Variants in PDE10A observed in about 807,000 individuals in gnomAD.
PDE10A encodes cAMP and cAMP-inhibited cGMP 3',5'-cyclic phosphodiesterase 10A.
A neutral mutation model predicts 97.7 loss-of-function variants in PDE10A; 39 were observed. The observed-to-expected ratio is 0.40, with a 90% CI of 0.31 to 0.52. The LOEUF (loss-of-function observed/expected upper bound fraction) is 0.52. PDE10A is among the 20% of genes least tolerant of loss of function. PDE10A has a pLI of 0.56. For synonymous variants in PDE10A, 371 were observed against 376.8 expected (o/e 0.98, Z 0.18); for missense variants, 731 against 1,047.8 (o/e 0.70, Z 4.17).
intron 1 of PDE10A, among the ~76,000 whole-genome samples, chr6:165,897,420 G>T (rs1781983843): frequency 6.6e-6 from 1 of 152,070 alleles, no homozygotes; most frequent in South Asian, 2.1e-4. Context: ...CCAGTATTTG[G>T]GGGTGGGGGA....
chr6:165,871,553 A>AT (rs1781204828), intron 1 of PDE10A, among the ~76,000 whole-genome samples: 1 of 152,176 alleles, frequency 6.6e-6, no homozygotes, highest in Admixed American at 6.5e-5. Context: ...AGCAGGAGAC[A>AT]TTTTGAGGGA....
chr6:165,951,798 G>A (rs1328793021), intron 1 of PDE10A, among the ~76,000 whole-genome samples: 1 of 152,170 alleles, frequency 6.6e-6, no homozygotes, highest in Non-Finnish European at 1.5e-5. Context: ...TGCAAGTGGT[G>A]ACCTGGCTCT....
intron 2 of PDE10A, among the ~76,000 whole-genome samples, chr6:165,517,705 A>G (rs1379375365): frequency 6.6e-6 from 1 of 152,176 alleles, no homozygotes; most frequent in Non-Finnish European, 1.5e-5. Context: ...CACAGAAGTC[A>G]TTGCCAAGGA....
intron 5 of PDE10A, 77 bp downstream of exon 5, chr6:165,448,849 TCG>T: frequency 2.4e-6 from 2 of 844,104 alleles, no homozygotes; most frequent in Non-Finnish European, 3.9e-6. Flanking sequence ...TCATGAAATG[TCG>T]GTTGTTTATA....
intron 1 of PDE10A, among the ~76,000 whole-genome samples, chr6:165,742,338 G>C (rs1021432112): frequency 1.3e-5 from 2 of 152,138 alleles, no homozygotes; most frequent in African/African-American, 2.4e-5. Flanking sequence ...CTTTGCATAT[G>C]TCATGTTTCT....
chr6:165,758,691 A>AG (rs1793182551), intron 1 of PDE10A, among the ~76,000 whole-genome samples: 1 of 147,962 alleles, frequency 6.8e-6, no homozygotes, highest in Non-Finnish European at 1.5e-5. Context: ...AAGAAGGAGA[A>AG]GGAAGGAGAA....
intron 1 of PDE10A, among the ~76,000 whole-genome samples, chr6:165,669,890 C>A (rs976629763): frequency 5.9e-5 from 9 of 152,196 alleles, no homozygotes; most frequent in African/African-American, 2.2e-4. Flanking sequence ...AGGCAAAATT[C>A]AAATTTAAAA....
At chr6:165,436,734 A>G (rs1790046215) in intron 5 of PDE10A, among the ~76,000 whole-genome samples, 2 of 152,182 alleles carry the variant, frequency 1.3e-5, no homozygotes, top group South Asian at 4.1e-4. Flanking sequence ...GACAGTTTCA[A>G]CTTAGTTATT....
chr6:165,392,942 T>C, intron 15 of PDE10A, 146 bp from the exon 16 acceptor site: 1 of 681,144 alleles, frequency 1.5e-6, no homozygotes, highest in Non-Finnish European at 2.5e-6. Context: ...CCATGAGCAC[T>C]GGAAACTCAT....
At chr6:165,936,492 G>T (rs1432690735) in intron 1 of PDE10A, among the ~76,000 whole-genome samples, 2 of 152,196 alleles carry the variant, frequency 1.3e-5, no homozygotes, top group African/African-American at 4.8e-5. Context: ...ATGGTCACGA[G>T]GGTCAAATGC....
Position 165,819,576 on chromosome 6 carries a change from C to G in PDE10A, c.-615+167953G>C, listed in dbSNP as rs116938293. Among the ~76,000 whole-genome samples the G allele has an allele frequency of 3.3e-4, 50 of 152,248 alleles. No individual in the cohort carries two copies. The East Asian group carries it at 9.5e-3, about 29-fold the overall frequency. On this transcript the variant is annotated intron_variant, in intron 1 of 19. Transcript: ENST00000366882. The surrounding 1 kb of genome is among the most constrained non-coding windows in gnomAD (Gnocchi z 4.2). ...TTGTCCTTCAGGCCTCATCCACTGC[C>G]GCGACCCCCACCCCGAGTTGCCGGA...
intron 18 of PDE10A, among the ~76,000 whole-genome samples, chr6:165,350,978 A>T (rs928328889): frequency 7.2e-5 from 11 of 152,228 alleles, no homozygotes; most frequent in Non-Finnish European, 1.5e-4. Flanking sequence ...CTTTATTAGC[A>T]GCATGAGAAC....
intron 1 of PDE10A, among the ~76,000 whole-genome samples, chr6:165,652,760 G>T (rs2057273): frequency 0.22 from 33,884 of 152,198 alleles, 3,939 homozygotes; most frequent in African/African-American, 0.26. Context: ...AAATACGCTT[G>T]TATTTTTGTA....
intron 2 of PDE10A, among the ~76,000 whole-genome samples, chr6:165,515,523 CTTT>C (rs376897417): frequency 2.4e-5 from 3 of 124,524 alleles, no homozygotes; most frequent in African/African-American, 3.0e-5. Context: ...TGCTTTTGTT[CTTT>C]TTTTTTTTTT....
chr6:165,624,206 C>T (rs1452729130), intron 1 of PDE10A, among the ~76,000 whole-genome samples: 3 of 152,240 alleles, frequency 2.0e-5, no homozygotes, highest in African/African-American at 7.2e-5. Flanking sequence ...GGCCTCGTGG[C>T]CTCAGGCTGG....
chr6:165,729,320 T>C (rs10806831), intron 1 of PDE10A, among the ~76,000 whole-genome samples: 39,577 of 152,182 alleles, frequency 0.26, 6,605 homozygotes, highest in Middle Eastern at 0.37. Context: ...TCTGCCCAAT[T>C]CTATCCTCTA....
At chr6:165,827,053 A>T (rs1055154937) in intron 1 of PDE10A, among the ~76,000 whole-genome samples, 2 of 152,104 alleles carry the variant, frequency 1.3e-5, no homozygotes, top group Non-Finnish European at 2.9e-5. Context: ...TTGTCCCCTG[A>T]CCAGGACGTG....
At chr6:165,470,855 C>T (rs1344783733) in intron 3 of PDE10A, among the ~76,000 whole-genome samples, 1 of 152,132 alleles carries the variant, frequency 6.6e-6, no homozygotes, top group Non-Finnish European at 1.5e-5. Context: ...TCTACTGAAT[C>T]ACTTCCACAA....
In PDE10A at chr6:165,819,513, C is replaced by A. The variant is rs868782598; in HGVS notation, c.-615+168016G>T. 1.3e-5 allele frequency among the ~76,000 whole-genome samples: 2 copies of A among 152,072 alleles called. No individual in the cohort carries two copies. Among genetic ancestry groups the A allele is most frequent in the African/African-American group, 4.8e-5 (2 of 41,390 alleles). On this transcript the variant is annotated intron_variant, in intron 1 of 19. Coordinates refer to the PDE10A transcript ENST00000366882. The surrounding 1 kb of genome is among the most constrained non-coding windows in gnomAD (Gnocchi z 4.2). Reference sequence around the variant, plus strand: ...GTGCTGCCCTCTGACTGCAGGGTGCCGGCAGCCTCCTCCGACCTCCGAAGA... The same window carrying A: ...GTGCTGCCCTCTGACTGCAGGGTGCAGGCAGCCTCCTCCGACCTCCGAAGA...
Sources: gnomAD v4.1 joint callset for allele counts (sites outside exome capture counted in the v4.1 genomes callset) on GRCh38, gnomAD v4.1.1 for gene constraint, Gnocchi (gnomAD v3.1) non-coding constraint, MANE v1.5 for transcripts, NCBI Gene and HGNC (gene_info 2026-07-23, HGNC 2026-07-21) for gene names.